COL23A1: variants seen among roughly 807,000 people sequenced by gnomAD.
COL23A1 encodes collagen alpha-1(XXIII) chain.
A neutral mutation model predicts 99.3 loss-of-function variants in COL23A1; 97 were observed. The observed-to-expected ratio is 0.98, with a 90% CI of 0.83 to 1.16. The LOEUF (loss-of-function observed/expected upper bound fraction) is 1.16, where lower values mean the gene tolerates loss of function less well. Ranked by LOEUF, COL23A1 falls within the 50% of genes most tolerant of loss-of-function variation. The pLI is 0.00. For synonymous variants in COL23A1, 320 were observed against 308.2 expected (o/e 1.04, Z -0.40); for missense variants, 762 against 757.4 (o/e 1.01, Z -0.07).
chr5:178,362,734 C>G (rs1762238996), intron 2 of COL23A1, among the ~76,000 whole-genome samples: 1 of 152,154 alleles, frequency 6.6e-6, no homozygotes. Flanking sequence ...AGGAGTAAGG[C>G]TAGAACTTTG....
intron 2 of COL23A1, among the ~76,000 whole-genome samples, chr5:178,332,479 C>T (rs1396311989): frequency 1.3e-5 from 2 of 152,156 alleles, no homozygotes; most frequent in Non-Finnish European, 2.9e-5. Context: ...CCTGAATAAC[C>T]TCCCACTACC....
chr5:178,463,841 T>C (rs1295800424), intron 2 of COL23A1, among the ~76,000 whole-genome samples: 1 of 152,218 alleles, frequency 6.6e-6, no homozygotes, highest in Non-Finnish European at 1.5e-5. Context: ...ATGAGCCCTT[T>C]GGCCTGCCTG....
At chr5:178,283,233 C>T (rs555262029) in intron 5 of COL23A1, among the ~76,000 whole-genome samples, 2 of 152,178 alleles carry the variant, frequency 1.3e-5, no homozygotes, top group Admixed American at 6.5e-5. Context: ...ATCCCCCAGC[C>T]CTCGCCTCTG....
intron 4 of COL23A1, among the ~76,000 whole-genome samples, chr5:178,289,777 GGC>G (rs1757357046): frequency 6.6e-6 from 1 of 152,214 alleles, no homozygotes; most frequent in African/African-American, 2.4e-5. Flanking sequence ...GGAACAACCA[GGC>G]TTGTGCGCTG....
At chr5:178,247,502 G>C in intron 22 of COL23A1, 24 bp downstream of exon 22, 1 of 1,613,888 alleles carries the variant, frequency 6.2e-7, no homozygotes, top group Non-Finnish European at 8.5e-7. Flanking sequence ...TCTGAGGCCA[G>C]TAGAGGGGTC....
intron 2 of COL23A1, among the ~76,000 whole-genome samples, chr5:178,331,913 C>T (rs930051929): frequency 2.6e-5 from 4 of 152,206 alleles, no homozygotes; most frequent in Non-Finnish European, 5.9e-5. Context: ...CCAAGCAAAG[C>T]CACTTGGCTA....
intron 2 of COL23A1, among the ~76,000 whole-genome samples, chr5:178,482,016 T>C (rs1304011252): frequency 5.5e-5 from 7 of 128,132 alleles, no homozygotes; most frequent in Non-Finnish European, 1.0e-4. Context: ...AAACTTAAAG[T>C]ATAATTAAAA....
At chr5:178,533,921 AGT>A (rs1336438996) in intron 2 of COL23A1, among the ~76,000 whole-genome samples, 1 of 152,216 alleles carries the variant, frequency 6.6e-6, no homozygotes, top group Non-Finnish European at 1.5e-5. Context: ...GTGGACACCC[AGT>A]GTGAACCCCA....
intron 2 of COL23A1, among the ~76,000 whole-genome samples, chr5:178,322,505 AG>A (rs1759381361): frequency 1.3e-5 from 2 of 152,168 alleles, no homozygotes; most frequent in Admixed American, 1.3e-4. Flanking sequence ...CATTTCCCAA[AG>A]GGGAAAGATC....
intron 2 of COL23A1, among the ~76,000 whole-genome samples, chr5:178,330,259 C>T (rs976813010): frequency 6.6e-6 from 1 of 152,240 alleles, no homozygotes; most frequent in African/African-American, 2.4e-5. Context: ...CGGCTTTGAC[C>T]TCTTTCAGTT....
chr5:178,381,548 G>A lies in COL23A1; in HGVS notation c.362-74629C>T, dbSNP rs115314297. 6.4e-3 allele frequency among the ~76,000 whole-genome samples: 975 copies of A among 152,336 alleles called. 11 individuals are homozygous for A. Among genetic ancestry groups the A allele is most frequent in the African/African-American group, 0.022 (921 of 41,568 alleles). On this transcript the variant is annotated intron_variant, in intron 2 of 28. Transcript: ENST00000390654. Reference sequence around the variant, plus strand: ...TCCATGCATTTGTGTTAGTGAGGACGGAATGGTATACAGAGCAGCAGGCTG... The same window carrying A: ...TCCATGCATTTGTGTTAGTGAGGACAGAATGGTATACAGAGCAGCAGGCTG...
intron 2 of COL23A1, among the ~76,000 whole-genome samples, chr5:178,394,668 G>A (rs556101028): frequency 2.6e-5 from 4 of 152,296 alleles, no homozygotes; most frequent in Admixed American, 1.3e-4. Context: ...ACCCTGACAC[G>A]CAGAGGGGAC....
In COL23A1 at chr5:178,238,720, CTG is replaced by C. The variant is rs776202726; in HGVS notation, c.1621-22_1621-21del. The C allele has an allele frequency of 3.0e-4, 478 of 1,611,960 alleles. No individual in the cohort carries two copies. Among genetic ancestry groups the C allele is most frequent in the Non-Finnish European group, 3.9e-4 (456 of 1,179,924 alleles). The stretch of plus-strand genomic sequence containing the variant: ...GGGTCACTGGAAAAGGAGGAAGAGA[CTG>C]AAGGTGACGAGGAGCCCGAGAAGCT... On this transcript the variant is annotated intron_variant, in intron 28 of 28. Transcript: ENST00000390654.
At chr5:178,248,848 C>T (rs986916036) in intron 19 of COL23A1, among the ~76,000 whole-genome samples, 1 of 152,332 alleles carries the variant, frequency 6.6e-6, no homozygotes, top group South Asian at 2.1e-4. Context: ...GTGGCATAAC[C>T]ACCTGGCCAA....
intron 2 of COL23A1, among the ~76,000 whole-genome samples, chr5:178,392,686 C>T (rs1438323561): frequency 1.3e-5 from 2 of 152,204 alleles, no homozygotes; most frequent in African/African-American, 4.8e-5. Flanking sequence ...AAATGTATCA[C>T]GCTACCCCAT....
rs1215460050 is a variant in COL23A1, at chr5:178,313,149, C to T, written c.362-6230G>A. ...GAGGCTCCTGCAGTCGCCAGATTCACAGGGGCAGAAGGTGGAATAGGGGGT... is the reference window on the plus strand; with the variant it reads ...GAGGCTCCTGCAGTCGCCAGATTCATAGGGGCAGAAGGTGGAATAGGGGGT... On this transcript the variant is annotated intron_variant, in intron 2 of 28. Transcript: ENST00000390654. This position sits in a 1 kb window ranked among gnomAD's most constrained non-coding sequence, Gnocchi z 4.2. Among the ~76,000 whole-genome samples, 1 of 152,118 alleles carries T rather than the reference C, an allele frequency of 6.6e-6. No homozygotes were observed. Among genetic ancestry groups the T allele is most frequent in the East Asian group, 1.9e-4 (1 of 5,186 alleles).
Position 178,523,181 on chromosome 5 carries a change from CATAT to C in COL23A1, c.361+37497_361+37500del, listed in dbSNP as rs375162340. Among the ~76,000 whole-genome samples the C allele has an allele frequency of 7.8e-3, 708 of 90,408 alleles. 6 individuals are homozygous for C. The highest frequency in any genetic ancestry group is 0.019 in the African/African-American group (499 of 25,846). 59.3% of individuals were successfully genotyped at this position (90,408 alleles called of 152,430 possible). A position where few individuals can be genotyped will look rare whatever the true frequency, so the allele number is the denominator to read the frequency against. ...ATATATACATATATATATATATACA[CATAT>C]ATATATATATATATATAGAGAGAGA... On this transcript the variant is annotated intron_variant, in intron 2 of 28. Coordinates refer to ENST00000390654, the MANE Select transcript of COL23A1 (RefSeq NM_173465.4).
intron 2 of COL23A1, among the ~76,000 whole-genome samples, chr5:178,457,628 T>C (rs530071940): frequency 6.6e-6 from 1 of 152,310 alleles, no homozygotes; most frequent in Non-Finnish European, 1.5e-5. Context: ...TTTTCCTTAA[T>C]AACAAAAAGA....
At chr5:178,517,383 G>A (rs561693273) in intron 2 of COL23A1, among the ~76,000 whole-genome samples, 7 of 152,160 alleles carry the variant, frequency 4.6e-5, no homozygotes, top group South Asian at 2.1e-4. Flanking sequence ...GTCTATACAC[G>A]GGCACTGTGG....
Sources: allele counts gnomAD v4.1 joint callset (sites outside exome capture counted in the v4.1 genomes callset), GRCh38; gene constraint gnomAD v4.1.1; non-coding constraint Gnocchi (gnomAD v3.1); transcripts MANE v1.5; gene names NCBI Gene and HGNC (gene_info 2026-07-23, HGNC 2026-07-21).